The following LSG1 variants were observed in gnomAD, a reference collection of about 807,000 sequenced individuals.
The protein encoded by LSG1 is large subunit GTPase 1 homolog.
LSG1 carries 55 observed loss-of-function variants against 82.6 expected under a neutral mutation model. That is an observed-to-expected ratio of 0.67 (90% CI 0.54 to 0.83). The LOEUF (loss-of-function observed/expected upper bound fraction) is 0.83, where lower values mean the gene tolerates loss of function less well. LSG1 is among the 40% of genes least tolerant of loss of function. The pLI is 0.00. For missense variants in LSG1, 809 were observed against 807.9 expected, an observed-to-expected ratio of 1.00 and a Z score of -0.02; for synonymous variants, 272 against 282.5, an observed-to-expected ratio of 0.96 and a Z score of 0.37.
chr3:194,651,194 T>A lies in LSG1; in HGVS notation c.1196A>T (p.Lys399Met). ...CATGATGGTGTTGATTGTTGAACTC[T>A]TACCAACATTAGGGTAGCCCACCTA... Reference protein sequence around the residue: ...VGLVGYPNVGKSSTINTIMGN... With the variant: ...VGLVGYPNVGMSSTINTIMGN... Residue 399 changes from lysine (K) to methionine (M), a missense_variant, in exon 9 of 14, where the codon AAG becomes ATG. Coordinates refer to ENST00000265245, the MANE Select transcript of LSG1 (RefSeq NM_018385.3). 2 of 1,614,024 alleles carry A rather than the reference T, an allele frequency of 1.2e-6. No homozygotes were observed. The highest frequency in any genetic ancestry group is 2.2e-5 in the South Asian group (2 of 91,088).
Position 194,646,188 on chromosome 3 carries a change from G to T in LSG1, c.1599C>A (p.Arg533=), listed in dbSNP as rs145594543. Reference sequence around the variant, plus strand: ...CACTGACATAGTCCTTCAGGATGTAGCGCGCAGATCGAGGCTGGTCTGGCT... The same window carrying T: ...CACTGACATAGTCCTTCAGGATGTATCGCGCAGATCGAGGCTGGTCTGGCT... ...HGQPDQPRSA[R]YILKDYVSGK... The change falls in exon 12 of 14, where the codon CGC becomes CGA. Residue 533 remains arginine, a synonymous_variant. Transcript: ENST00000265245. 44 of 1,613,994 alleles carry T rather than the reference G, an allele frequency of 2.7e-5. No homozygotes were observed. The African/African-American group carries it at 5.3e-4, about 20-fold the overall frequency.
At chr3:194,644,030 G>T (rs756678106) in intron 13 of LSG1, among the ~76,000 whole-genome samples, 33 of 152,020 alleles carry the variant, frequency 2.2e-4, no homozygotes, top group Non-Finnish European at 3.4e-4. Flanking sequence ...TGGTTGGCAG[G>T]GGCTGGGGGA....
chr3:194,645,587 CACACACACACACACACACACA>C (rs1718530636), intron 12 of LSG1, among the ~76,000 whole-genome samples: 1 of 92,286 alleles, frequency 1.1e-5, no homozygotes, highest in African/African-American at 4.8e-5. Flanking sequence ...CACACACACA[CACACACACACACACACACACA>C]CACACACACA....
chr3:194,662,622 C>T (rs887310591), intron 5 of LSG1, among the ~76,000 whole-genome samples: 2 of 152,092 alleles, frequency 1.3e-5, no homozygotes, highest in Non-Finnish European at 2.9e-5. Flanking sequence ...ATTAGCCGGG[C>T]GTGGTGGCGC....
At chr3:194,662,663 G>C (rs1577258599) in intron 5 of LSG1, among the ~76,000 whole-genome samples, 1 of 152,314 alleles carries the variant, frequency 6.6e-6, no homozygotes, top group East Asian at 1.9e-4. Flanking sequence ...TCGGGAGGCT[G>C]AGGCAGGAAA....
chr3:194,657,301 G>A (rs1718811902), intron 7 of LSG1, among the ~76,000 whole-genome samples: 1 of 151,820 alleles, frequency 6.6e-6, no homozygotes, highest in Non-Finnish European at 1.5e-5. Context: ...AAAATTCACA[G>A]TTAGAAGGCA....
intron 13 of LSG1, among the ~76,000 whole-genome samples, chr3:194,643,743 C>T (rs970432891): frequency 7.2e-5 from 11 of 152,196 alleles, no homozygotes; most frequent in Non-Finnish European, 1.2e-4. Context: ...AAAACCTGTA[C>T]ACAAGTGTTC....
intron 5 of LSG1, chr3:194,660,790 A>C (rs376230573): frequency 3.7e-5 from 16 of 435,204 alleles, no homozygotes; most frequent in Non-Finnish European, 4.6e-6. Flanking sequence ...TTCTTCCATC[A>C]CGTATAAGAA....
rs1718391070 is a variant in LSG1 at position 194,641,761 on chromosome 3, GCGCCAC to G, written c.*301_*306del. The G allele has an allele frequency of 1.0e-5, 2 of 194,992 alleles. No individual in the cohort carries two copies. The highest frequency in any genetic ancestry group is 2.1e-5 in the Non-Finnish European group (2 of 96,054). The allele number at this position is 194,992 out of a possible 1,614,324, so 12.1% of individuals were successfully genotyped here. On this transcript the variant is annotated 3_prime_UTR_variant, in exon 14 of 14. Coordinates refer to ENST00000265245, the MANE Select transcript of LSG1 (RefSeq NM_018385.3). ...CCCGAGTAGCTGGGATTACAGGTGC[GCGCCAC>G]CACGCCTGGCTAATTTTTTTGTATT...
intron 7 of LSG1, among the ~76,000 whole-genome samples, chr3:194,655,903 G>A (rs9876775): frequency 0.45 from 68,883 of 151,960 alleles, 16,333 homozygotes; most frequent in Non-Finnish European, 0.53. Flanking sequence ...AATGGGGAAA[G>A]GATTCCCTAT....
rs200297782 is a variant in LSG1, at chr3:194,672,091, G to T, written c.72C>A (p.Ser24Arg). Residue 24 changes from serine to arginine, a missense_variant, in exon 1 of 14, where the codon AGC (serine) becomes AGA (arginine). By Grantham distance (110) the Ser-to-Arg change is moderately radical. Coordinates refer to ENST00000265245, the MANE Select transcript of LSG1 (RefSeq NM_018385.3). ...RALMRHQTQR[S>R]RSHRHTDSWL... ...AGGAGTCAGTGTGACGATGGCTTCG[G>T]CTCCGCTGAGTCTGATGGCGCATAA... 29 of 1,611,414 alleles carry T rather than the reference G, an allele frequency of 1.8e-5. No homozygotes were observed. Among genetic ancestry groups the T allele is most frequent in the Middle Eastern group, 1.7e-4 (1 of 6,058 alleles).
chr3:194,648,707 G>A lies in LSG1; in HGVS notation c.1517C>T (p.Ser506Leu), dbSNP rs919945223. ...TCCATAAGCTGTCAACAGTTCTTCC[G>A]ATGTTGGAGGTCGGTGGGGATCTTC... ...EDEDPHRPPT[S>L]EELLTAYGYM... Residue 506 changes from serine (S) to leucine (L), a missense_variant, in exon 11 of 14, where the codon TCG becomes TTG. Physicochemically the swap from Ser to Leu is moderately radical, Grantham distance 145. Coordinates refer to ENST00000265245, the MANE Select transcript of LSG1 (RefSeq NM_018385.3). The A allele has an allele frequency of 6.2e-6, 10 of 1,613,926 alleles. No individual in the cohort carries two copies. Among genetic ancestry groups the A allele is most frequent in the Admixed American group, 1.7e-5 (1 of 59,996 alleles).
intron 1 of LSG1, among the ~76,000 whole-genome samples, chr3:194,670,479 G>C (rs1719121514): frequency 6.6e-6 from 1 of 152,172 alleles, no homozygotes; most frequent in Non-Finnish European, 1.5e-5. Context: ...GACTGTGCTA[G>C]TCAAAATTAG....
At chr3:194,649,450 G>A (rs1366964087) in intron 10 of LSG1, among the ~76,000 whole-genome samples, 3 of 151,584 alleles carry the variant, frequency 2.0e-5, no homozygotes, top group Non-Finnish European at 2.9e-5. Flanking sequence ...TTGGGAGGTC[G>A]AGGCAGGCAG....
intron 2 of LSG1, among the ~76,000 whole-genome samples, chr3:194,667,942 A>AATATATATATATATATATATAT (rs763693435): frequency 2.3e-5 from 2 of 86,968 alleles, no homozygotes; most frequent in African/African-American, 9.6e-5. Flanking sequence ...AAAAAAAAAA[A>AATATATATATATATATATATAT]ATATATATAT....
rs1485597225 is a variant in LSG1, at chr3:194,665,559, T to C, written c.519A>G (p.Arg173=). 1 of 1,603,882 alleles carries C rather than the reference T, an allele frequency of 6.2e-7. No homozygotes were observed. Among genetic ancestry groups the C allele is most frequent in the African/African-American group, 1.3e-5 (1 of 74,502 alleles). Residue 173 remains arginine, a splice_region_variant and synonymous_variant, in exon 5 of 14, where the codon AGA becomes AGG. Transcript: ENST00000265245. The part of the protein sequence containing the change: ...FWRQLWRVIE[R]SDIVVQIVDA... ...CACAAAAGAAAATGATAATTCACCT[T>C]CTCTCAATGACTCTCCAGAGCTGGC...
At chr3:194,653,969 G>A (rs1043828048) in intron 7 of LSG1, among the ~76,000 whole-genome samples, 7 of 152,216 alleles carry the variant, frequency 4.6e-5, no homozygotes, top group African/African-American at 1.7e-4. Flanking sequence ...TTGACAGTAC[G>A]TTATTTTGCA....
rs1280644236 is a variant in LSG1 at position 194,646,241 on chromosome 3, T to A, written c.1546A>T (p.Met516Leu). 6.2e-7 allele frequency: 1 copy of A among 1,613,582 alleles called. No homozygotes were observed. Among genetic ancestry groups the A allele is most frequent in the Non-Finnish European group, 8.5e-7 (1 of 1,179,850 alleles). Residue 516 changes from methionine to leucine, a missense_variant and splice_region_variant, in exon 12 of 14, where the codon ATG becomes TTG. Met to Leu is a conservative substitution (Grantham distance 15). Coordinates refer to ENST00000265245, the MANE Select transcript of LSG1 (RefSeq NM_018385.3). ...SEELLTAYGY[M>L]RGFMTAHGQP... ...CCATGCGCTGTCATGAATCCTCGCA[T>A]GTCTGTGGAGAGAAAAGAATTTTGC...
At chr3:194,653,554 C>T (rs1300632943) in intron 7 of LSG1, among the ~76,000 whole-genome samples, 4 of 151,266 alleles carry the variant, frequency 2.6e-5, no homozygotes, top group African/African-American at 7.3e-5. Context: ...AAGCAAAGTT[C>T]GACGGAGATG....
Sources: gnomAD v4.1 joint callset for allele counts (sites outside exome capture counted in the v4.1 genomes callset) on GRCh38, gnomAD v4.1.1 for gene constraint, MANE v1.5 for transcripts, NCBI Gene and HGNC (gene_info 2026-07-23, HGNC 2026-07-21) for gene names.